Variants in ADGB observed in about 807,000 individuals in gnomAD.
ADGB encodes the protein androglobin, also known as calpain-7-like protein.
A neutral mutation model predicts 210.5 loss-of-function variants in ADGB; 172 were observed. The ratio of observed to expected loss-of-function variants is 0.82; its 90% CI spans 0.72 to 0.93. The LOEUF (loss-of-function observed/expected upper bound fraction) is 0.93. Among genes scored for constraint, ADGB ranks in the 40% least tolerant of loss-of-function variants. The probability of loss-of-function intolerance (pLI) is 0.00; values close to 1 mark genes in which losing one functional copy is unlikely to be tolerated. For synonymous variants in ADGB, 658 were observed against 662.7 expected, an observed-to-expected ratio of 0.99 and a Z score of 0.11; for missense variants, 2,025 against 1,964.8, an observed-to-expected ratio of 1.03 and a Z score of -0.58.
intron 11 of ADGB, 67 bp from the exon 12 acceptor site, chr6:146,692,758 A>C (rs1427794036): frequency 1.2e-6 from 1 of 827,570 alleles, no homozygotes; most frequent in East Asian, 2.7e-5. Flanking sequence ...TTAAATGTTA[A>C]ATTCTGTATG....
chr6:146,664,233 T>G lies in ADGB; in HGVS notation c.645T>G (p.Phe215Leu). Reference sequence around the variant, plus strand: ...GGAGAAAGATAACAATTGATGACTTTTTGCCTTTTGATGAAGATAACAATC... The same window carrying G: ...GGAGAAAGATAACAATTGATGACTTGTTGCCTTTTGATGAAGATAACAATC... ...GCWRKITIDD[F>L]LPFDEDNNLL... Residue 215 changes from phenylalanine to leucine, a missense_variant, in exon 6 of 36, where the codon TTT (phenylalanine) becomes TTG (leucine). Coordinates refer to ENST00000397944, the MANE Select transcript of ADGB (RefSeq NM_024694.4). The G allele has an allele frequency of 6.5e-7, 1 of 1,548,624 alleles. No individual in the cohort carries two copies. The highest frequency in any genetic ancestry group is 1.2e-5 in the South Asian group (1 of 83,556).
At chr6:146,654,324 A>G in intron 4 of ADGB, 118 bp downstream of exon 4, 1 of 318,622 alleles carries the variant, frequency 3.1e-6, no homozygotes. Context: ...TTGGTATTAT[A>G]TATATATATA....
intron 26 of ADGB, among the ~76,000 whole-genome samples, chr6:146,747,549 G>C (rs1007578557): frequency 2.0e-5 from 3 of 152,000 alleles, no homozygotes; most frequent in Non-Finnish European, 4.4e-5. Flanking sequence ...ACATTGTTTT[G>C]TTTGCAAAGT....
chr6:146,616,864 G>C (rs886995367), intron 1 of ADGB, among the ~76,000 whole-genome samples: 3 of 152,028 alleles, frequency 2.0e-5, no homozygotes, highest in African/African-American at 7.2e-5. Context: ...AATCTATTTT[G>C]AAGTCAAGTA....
chr6:146,760,948 C>A (rs1476826635), intron 27 of ADGB, among the ~76,000 whole-genome samples: 1 of 151,854 alleles, frequency 6.6e-6, no homozygotes, highest in African/African-American at 2.4e-5. Context: ...AATGAGTTGT[C>A]TTTATTATTA....
In ADGB at chr6:146,815,139, A is replaced by G; in HGVS notation, c.4926A>G (p.Glu1642=). 6.5e-6 allele frequency: 10 copies of G among 1,547,470 alleles called. No homozygotes were observed. The highest frequency in any genetic ancestry group is 8.7e-6 in the Non-Finnish European group (10 of 1,146,060). ...HLKLETLAAQ[E]AAMKLETEKM... is the part of the protein sequence containing the mutation. ...AGCTGGAAACTCTGGCTGCTCAGGA[A>G]GCAGCCATGAAGCTGGAGACAGAAA... The change falls in exon 36 of 36, where the codon GAA becomes GAG. Residue 1642 remains glutamate, a synonymous_variant. Coordinates refer to ENST00000397944, the MANE Select transcript of ADGB (RefSeq NM_024694.4).
chr6:146,755,902 C>T (rs1777399790), intron 27 of ADGB, among the ~76,000 whole-genome samples: 2 of 151,952 alleles, frequency 1.3e-5, no homozygotes, highest in South Asian at 2.1e-4. Flanking sequence ...TGTTATTTTT[C>T]TATATGTAAA....
At chr6:146,617,614 CT>C (rs1326524190) in intron 1 of ADGB, among the ~76,000 whole-genome samples, 2 of 151,282 alleles carry the variant, frequency 1.3e-5, no homozygotes, top group Non-Finnish European at 2.9e-5. Flanking sequence ...AGGTATATTC[CT>C]TCTATGCGCA....
At chr6:146,655,159 G>C (rs553549664) in intron 4 of ADGB, among the ~76,000 whole-genome samples, 4 of 152,204 alleles carry the variant, frequency 2.6e-5, no homozygotes, top group African/African-American at 9.6e-5. Flanking sequence ...GTGAGCCTCT[G>C]TTCTCCTGCC....
In ADGB at chr6:146,801,177, T is replaced by G; in HGVS notation, c.4538-6T>G. 1 of 1,464,564 alleles carries G rather than the reference T, an allele frequency of 6.8e-7. No individual in the cohort carries two copies. The highest frequency in any genetic ancestry group is 2.7e-5 in the East Asian group (1 of 36,626). 90.7% of individuals were successfully genotyped at this position (1,464,564 alleles called of 1,614,324 possible). On this transcript the variant is annotated splice_region_variant and splice_polypyrimidine_tract_variant and intron_variant, in intron 33 of 35. Transcript: ENST00000397944. Reference sequence around the variant, plus strand: ...GTTTTTTGTTGTGTGTGTGTTTTTTTTAAAGAAACAGGACCTCGTACACGA... The same window carrying G: ...GTTTTTTGTTGTGTGTGTGTTTTTTGTAAAGAAACAGGACCTCGTACACGA...
intron 3 of ADGB, among the ~76,000 whole-genome samples, chr6:146,651,545 G>A (rs73571850): frequency 0.03 from 4,597 of 152,288 alleles, 88 homozygotes; most frequent in South Asian, 0.074. Flanking sequence ...ACATGTACCC[G>A]CGGTCCAGGA....
At chr6:146,631,226 A>G (rs1364216571) in intron 1 of ADGB, among the ~76,000 whole-genome samples, 2 of 152,200 alleles carry the variant, frequency 1.3e-5, no homozygotes, top group Non-Finnish European at 2.9e-5. Context: ...ACCAAATCTC[A>G]GTGACTTAAC....
chr6:146,762,420 T>G (rs976542238), intron 27 of ADGB, among the ~76,000 whole-genome samples: 2 of 152,202 alleles, frequency 1.3e-5, no homozygotes, highest in African/African-American at 4.8e-5. Flanking sequence ...ACTCAGTATG[T>G]TCATCTTTTT....
chr6:146,808,420 T>C (rs1325127431), intron 35 of ADGB, among the ~76,000 whole-genome samples: 2 of 152,206 alleles, frequency 1.3e-5, no homozygotes, highest in African/African-American at 2.4e-5. Context: ...CATGGTCACC[T>C]GGGTGTAGAG....
At chr6:146,764,741 G>A (rs1232464922) in intron 28 of ADGB, among the ~76,000 whole-genome samples, 2 of 152,150 alleles carry the variant, frequency 1.3e-5, no homozygotes, top group East Asian at 3.8e-4. Context: ...ATGATAGAAT[G>A]TTAGAAAAAC....
At chr6:146,720,668 A>C (rs1350670984) in intron 16 of ADGB, among the ~76,000 whole-genome samples, 1 of 152,184 alleles carries the variant, frequency 6.6e-6, no homozygotes, top group Non-Finnish European at 1.5e-5. Flanking sequence ...CAGGAAATTT[A>C]CAGTCATGGT....
chr6:146,814,856 G>A (rs1329022418), intron 35 of ADGB, among the ~76,000 whole-genome samples, 176 bp from the exon 36 acceptor site: 5 of 151,930 alleles, frequency 3.3e-5, no homozygotes, highest in Admixed American at 6.6e-5. Flanking sequence ...TGATTTTGTC[G>A]CTATGTTTTG....
At chr6:146,659,994 T>C (rs1310999677) in intron 5 of ADGB, among the ~76,000 whole-genome samples, 2 of 152,206 alleles carry the variant, frequency 1.3e-5, no homozygotes, top group African/African-American at 2.4e-5. Context: ...ATGCATTTGC[T>C]TTATTTCTGA....
intron 29 of ADGB, among the ~76,000 whole-genome samples, chr6:146,775,690 GTAT>G (rs1777710832): frequency 6.6e-6 from 1 of 152,044 alleles, no homozygotes; most frequent in Non-Finnish European, 1.5e-5. Context: ...TTTATTAGCA[GTAT>G]TATAACACTA....
Sources: allele counts gnomAD v4.1 joint callset (sites outside exome capture counted in the v4.1 genomes callset), GRCh38; gene constraint gnomAD v4.1.1; transcripts MANE v1.5; gene names NCBI Gene and HGNC (gene_info 2026-07-23, HGNC 2026-07-21).